The following AXDND1 variants were observed in gnomAD, a reference collection of about 807,000 sequenced individuals.
AXDND1 encodes axonemal dynein light chain domain-containing protein 1.
A neutral mutation model predicts 137.5 loss-of-function variants in AXDND1; 110 were observed. The ratio of observed to expected loss-of-function variants is 0.80; its 90% CI spans 0.69 to 0.94. AXDND1 has a LOEUF of 0.94. Ranked by LOEUF, AXDND1 falls within the 40% of genes least tolerant of loss-of-function variation. The pLI, the probability that AXDND1 is intolerant of heterozygous loss-of-function variation, is 0.00. For synonymous variants in AXDND1, 414 were observed against 399.7 expected (o/e 1.04, Z -0.43); for missense variants, 1,191 against 1,169.8 (o/e 1.02, Z -0.26).
At chr1:179,456,865 T>C in intron 16 of AXDND1, 1 of 841,094 alleles carries the variant, frequency 1.2e-6, no homozygotes. Context: ...GTTTTATCCA[T>C]GGAGTTATGA....
chr1:179,376,965 T>A (rs1647373843), intron 4 of AXDND1, among the ~76,000 whole-genome samples: 1 of 152,128 alleles, frequency 6.6e-6, no homozygotes, highest in South Asian at 2.1e-4. Context: ...GGAGTCTCAC[T>A]CTGTCACCCA....
rs759206525 is a variant in AXDND1, at chr1:179,368,912, G to T, written c.210G>T (p.Ala70=). 3 of 1,613,878 alleles carry T rather than the reference G, an allele frequency of 1.9e-6. No individual in the cohort carries two copies. Among genetic ancestry groups the T allele is most frequent in the Middle Eastern group, 1.6e-4 (1 of 6,062 alleles). Residue 70 remains alanine (A), a synonymous_variant, in exon 3 of 26, where the codon GCG becomes GCT. Coordinates refer to ENST00000367618, the MANE Select transcript of AXDND1 (RefSeq NM_144696.6). ...AAGTTCTTCTTTCTCTGACCTATGC[G>T]GCCAATGCTGGTCCTTGTCCTGAAA... ...PKEVLLSLTY[A]ANAGPCPENL...
At chr1:179,491,291 A>G (rs1276029003) in intron 18 of AXDND1, among the ~76,000 whole-genome samples, 1 of 152,130 alleles carries the variant, frequency 6.6e-6, no homozygotes, top group African/African-American at 2.4e-5. Context: ...CAGCCTGGGC[A>G]ACAGAGTGAC....
chr1:179,541,725 CATA>C (rs67863685), intron 25 of AXDND1, among the ~76,000 whole-genome samples: 30,558 of 151,678 alleles, frequency 0.2, 3,195 homozygotes, highest in Non-Finnish European at 0.23. Flanking sequence ...ATAATATATG[CATA>C]ATAATTTCAC....
chr1:179,542,960 A>G (rs1013209480), intron 25 of AXDND1, among the ~76,000 whole-genome samples: 1 of 152,212 alleles, frequency 6.6e-6, no homozygotes, highest in African/African-American at 2.4e-5. Flanking sequence ...TGTGCCCTGC[A>G]AGGGACCTAA....
intron 18 of AXDND1, among the ~76,000 whole-genome samples, chr1:179,485,249 C>G (rs1312237610): frequency 1.3e-5 from 2 of 152,224 alleles, no homozygotes; most frequent in African/African-American, 4.8e-5. Flanking sequence ...ATCCCACTGT[C>G]ACCACCTAAT....
chr1:179,456,738 T>C, intron 16 of AXDND1: 1 of 783,362 alleles, frequency 1.3e-6, no homozygotes, highest in Non-Finnish European at 2.3e-6. Flanking sequence ...ACCACCAAAG[T>C]TTCCAGAACT....
intron 12 of AXDND1, 29 bp from the exon 13 acceptor site, chr1:179,429,489 T>C: frequency 1.7e-6 from 2 of 1,209,854 alleles, no homozygotes; most frequent in Non-Finnish European, 2.3e-6. Flanking sequence ...ATGTTTTAGG[T>C]TCCTGATTAT....
chr1:179,389,194 A>G (rs1039407067), intron 9 of AXDND1, among the ~76,000 whole-genome samples: 1 of 151,862 alleles, frequency 6.6e-6, no homozygotes, highest in Admixed American at 6.6e-5. Context: ...GCTGGTCTCG[A>G]ACTCCTAATT....
At chr1:179,394,093 T>C in intron 10 of AXDND1, 50 bp downstream of exon 10, 2 of 1,500,652 alleles carry the variant, frequency 1.3e-6, no homozygotes, top group Non-Finnish European at 1.8e-6. Flanking sequence ...ATGTCATGTC[T>C]CTAAAGGGAG....
At chr1:179,390,195 G>T (rs868851776) in intron 9 of AXDND1, among the ~76,000 whole-genome samples, 3 of 152,162 alleles carry the variant, frequency 2.0e-5, no homozygotes, top group Middle Eastern at 3.4e-3. Flanking sequence ...TGTATTTTTA[G>T]TAGATACAAG....
intron 14 of AXDND1, among the ~76,000 whole-genome samples, chr1:179,431,733 G>T (rs1384872521): frequency 6.6e-6 from 1 of 152,068 alleles, no homozygotes; most frequent in African/African-American, 2.4e-5. Context: ...CTCCTGCCGT[G>T]TACCCATTTC....
intron 17 of AXDND1, among the ~76,000 whole-genome samples, chr1:179,480,119 C>T (rs574511513): frequency 1.4e-4 from 22 of 152,296 alleles, no homozygotes; most frequent in Non-Finnish European, 2.6e-4. Context: ...AAGGTCGCTC[C>T]CACATTTTTG....
intron 9 of AXDND1, among the ~76,000 whole-genome samples, chr1:179,387,648 G>A (rs1358758826): frequency 1.3e-5 from 2 of 152,170 alleles, no homozygotes; most frequent in East Asian, 3.8e-4. Flanking sequence ...ACACAATTAA[G>A]TTATTTAAAA....
At chr1:179,509,572 A>G (rs1267041194) in intron 21 of AXDND1, among the ~76,000 whole-genome samples, 169 bp downstream of exon 21, 2 of 152,132 alleles carry the variant, frequency 1.3e-5, no homozygotes, top group African/African-American at 4.8e-5. Flanking sequence ...CCCTCTAAGG[A>G]ATAGAATCAT....
At chr1:179,443,769 T>G (rs1293939674) in intron 15 of AXDND1, among the ~76,000 whole-genome samples, 1 of 152,212 alleles carries the variant, frequency 6.6e-6, no homozygotes, top group African/African-American at 2.4e-5. Context: ...TCCCATTGTA[T>G]TTATATACCA....
At chr1:179,442,528 GAGA>G (rs1479364297) in intron 15 of AXDND1, among the ~76,000 whole-genome samples, 1 of 152,180 alleles carries the variant, frequency 6.6e-6, no homozygotes, top group Admixed American at 6.5e-5. Context: ...GTCAATGTCT[GAGA>G]ACTAACCTGA....
intron 4 of AXDND1, among the ~76,000 whole-genome samples, chr1:179,372,710 T>A (rs1668161672): frequency 6.6e-6 from 1 of 151,914 alleles, no homozygotes; most frequent in Admixed American, 6.6e-5. Flanking sequence ...AGAGATGGAG[T>A]TTTGCTCCTG....
At chr1:179,398,396 A>G (rs1230760203) in intron 11 of AXDND1, among the ~76,000 whole-genome samples, 1 of 152,162 alleles carries the variant, frequency 6.6e-6, no homozygotes, top group Non-Finnish European at 1.5e-5. Context: ...ACCACTGGTC[A>G]CTACACTCTG....
Sources: allele counts gnomAD v4.1 joint callset (sites outside exome capture counted in the v4.1 genomes callset), GRCh38; gene constraint gnomAD v4.1.1; transcripts MANE v1.5; gene names NCBI Gene and HGNC (gene_info 2026-07-23, HGNC 2026-07-21).